FASTKD2: variants seen among roughly 807,000 people sequenced by gnomAD.
The protein encoded by FASTKD2 is FAST kinase domain-containing protein 2, mitochondrial.
In FASTKD2, 51 loss-of-function variants were observed where a neutral mutation model predicts 63.6. The observed-to-expected ratio is 0.80, with a 90% confidence interval of 0.64 to 1.01. The LOEUF (loss-of-function observed/expected upper bound fraction) is 1.01. Ranked by LOEUF, FASTKD2 falls within the 50% of genes least tolerant of loss-of-function variation. FASTKD2 has a pLI of 0.00. For synonymous variants in FASTKD2, 284 were observed against 293.4 expected (o/e 0.97, Z 0.33); for missense variants, 786 against 831.1 (o/e 0.95, Z 0.67).
intron 9 of FASTKD2, 38 bp downstream of exon 9, chr2:206,788,193 A>G (rs780013331): frequency 1.4e-6 from 2 of 1,439,308 alleles, no homozygotes; most frequent in Middle Eastern, 1.8e-4. Flanking sequence ...ATTTTATTGT[A>G]TTTATTTTCC....
intron 7 of FASTKD2, chr2:206,783,426 T>C (rs1456881762): frequency 6.5e-6 from 1 of 152,994 alleles, no homozygotes; most frequent in Middle Eastern, 1.2e-3. Flanking sequence ...TGCCAAAGAG[T>C]AGACATTTAA....
At chr2:206,791,546 A>C in intron 11 of FASTKD2, 137 bp from the exon 12 acceptor site, 1 of 747,558 alleles carries the variant, frequency 1.3e-6, no homozygotes, top group Non-Finnish European at 2.3e-6. Context: ...TGCCTTTAAA[A>C]TATGAGTAGT....
At position 206,794,234 on chromosome 2, in the gene FASTKD2, T is replaced by C. The variant is rs1690379876; in HGVS notation, c.*2432T>C. On this transcript the variant is annotated 3_prime_UTR_variant, in exon 12 of 12. Transcript: ENST00000402774. ...TCTGTCCCCTAAACAACCACTGATC[T>C]ATGGCACACATAGAAAAAAATTAGG... is the stretch of plus-strand genomic sequence containing the variant. Among the ~76,000 whole-genome samples, 1 of 152,178 alleles carries C rather than the reference T, an allele frequency of 6.6e-6. No individual in the cohort carries two copies. Among genetic ancestry groups the C allele is most frequent in the East Asian group, 1.9e-4 (1 of 5,202 alleles).
At chr2:206,778,556 A>G (rs1335352573) in intron 7 of FASTKD2, among the ~76,000 whole-genome samples, 3 of 152,166 alleles carry the variant, frequency 2.0e-5, no homozygotes, top group Middle Eastern at 6.8e-3. Flanking sequence ...TTGTTTTGTG[A>G]CCTAACATAT....
chr2:206,774,502 A>G, intron 7 of FASTKD2, 105 bp downstream of exon 7: 2 of 752,752 alleles, frequency 2.7e-6, no homozygotes, highest in East Asian at 2.5e-5. Context: ...ACCCATAGTC[A>G]TCATCCATGC....
chr2:206,771,518 T>C (rs1441139230), intron 4 of FASTKD2, among the ~76,000 whole-genome samples: 1 of 151,992 alleles, frequency 6.6e-6, no homozygotes, highest in Admixed American at 6.6e-5. Flanking sequence ...CCTTTTTGTT[T>C]AAAAATAAAT....
chr2:206,791,868 A>G lies in FASTKD2; in HGVS notation c.*66A>G. 1 of 1,473,194 alleles carries G rather than the reference A, an allele frequency of 6.8e-7. No individual in the cohort carries two copies. The allele number at this position is 1,473,194 out of a possible 1,614,324, so 91.3% of individuals were successfully genotyped here. On this transcript the variant is annotated 3_prime_UTR_variant, in exon 12 of 12. Coordinates refer to ENST00000402774, the MANE Select transcript of FASTKD2 (RefSeq NM_001136193.2). ...TAAAAATTAATAAAGATGACAAGTC[A>G]GTTGTCAATGGAATTGAGCTATCTG...
rs1036942141 is a variant in FASTKD2 at position 206,786,646 on chromosome 2, C to T, written c.1428-87C>T. On this transcript the variant is annotated intron_variant, in intron 7 of 11. Coordinates refer to ENST00000402774, the MANE Select transcript of FASTKD2 (RefSeq NM_001136193.2). ...GATGTGTGGATACTTACTTGCAAGGCTGATTTTCTTATCTCTTTTCTTTGG... is the reference window on the plus strand; with the variant it reads ...GATGTGTGGATACTTACTTGCAAGGTTGATTTTCTTATCTCTTTTCTTTGG... 17 of 1,171,388 alleles carry T rather than the reference C, an allele frequency of 1.5e-5. No homozygotes were observed. The Admixed American group carries it at 2.2e-4, about 15-fold the overall frequency. 72.6% of individuals were successfully genotyped at this position (1,171,388 alleles called of 1,614,324 possible).
In FASTKD2 at chr2:206,792,053, C is replaced by T. The variant is rs188949910; in HGVS notation, c.*251C>T. On this transcript the variant is annotated 3_prime_UTR_variant, in exon 12 of 12. Transcript: ENST00000402774. ...AGTGCCCAGATATTTGATTTGTGAG[C>T]TGTACGTTTCACCTTTTCATCTTTG... The T allele has an allele frequency of 4.6e-5, 22 of 477,708 alleles. No individual in the cohort carries two copies. The highest frequency in any genetic ancestry group is 2.9e-4 in the African/African-American group (15 of 51,144). 29.6% of individuals were successfully genotyped at this position (477,708 alleles called of 1,614,324 possible). A position where few individuals can be genotyped will look rare whatever the true frequency, so the allele number is the denominator to read the frequency against.
At chr2:206,786,450 TG>T (rs2105985742) in intron 7 of FASTKD2, among the ~76,000 whole-genome samples, 1 of 152,364 alleles carries the variant, frequency 6.6e-6, no homozygotes, top group East Asian at 1.9e-4. Flanking sequence ...TCTCTAAGCC[TG>T]TTTACCCATT....
intron 10 of FASTKD2, chr2:206,789,993 T>TC (rs1312843722): frequency 1.3e-5 from 2 of 152,824 alleles, no homozygotes; most frequent in African/African-American, 4.8e-5. Flanking sequence ...TTTCTTTTTT[T>TC]CTCCCAGTAA....
Position 206,795,304 on chromosome 2 carries a change from G to A in FASTKD2, c.*3502G>A, listed in dbSNP as rs563957358. 2.3e-3 allele frequency among the ~76,000 whole-genome samples: 343 copies of A among 152,288 alleles called. 2 individuals carry two copies. Among genetic ancestry groups the A allele is most frequent in the African/African-American group, 7.7e-3 (319 of 41,552 alleles). On this transcript the variant is annotated 3_prime_UTR_variant, in exon 12 of 12. Coordinates refer to ENST00000402774, the MANE Select transcript of FASTKD2 (RefSeq NM_001136193.2). ...GCTGGAGTGCTGTGGCGTGATCTCA[G>A]CTCACTGCAAGCTCCGCCTCCTGGG...
rs1029564199 is a variant in FASTKD2 at position 206,765,722 on chromosome 2, G to A, written c.-76G>A. ...CATCCTAGACTTTTTACTTCGAGGAGAAGAGTCTCACGAGTTGTCCTGGAA... is the reference window on the plus strand; with the variant it reads ...CATCCTAGACTTTTTACTTCGAGGAAAAGAGTCTCACGAGTTGTCCTGGAA... On this transcript the variant is annotated 5_prime_UTR_variant, in exon 1 of 12. Transcript: ENST00000402774. 5.9e-6 allele frequency: 1 copy of A among 168,908 alleles called. No homozygotes were observed. The highest frequency in any genetic ancestry group is 2.4e-5 in the African/African-American group (1 of 41,800). 10.5% of individuals were successfully genotyped at this position (168,908 alleles called of 1,614,324 possible).
intron 3 of FASTKD2, among the ~76,000 whole-genome samples, chr2:206,770,799 A>G (rs938300133): frequency 6.6e-6 from 1 of 152,044 alleles, no homozygotes; most frequent in African/African-American, 2.4e-5. Flanking sequence ...AATTCAGAAT[A>G]GTTATTCGGG....
In FASTKD2 at chr2:206,788,914, T is replaced by C; in HGVS notation, c.1898+11T>C. 9 of 1,359,108 alleles carry C rather than the reference T, an allele frequency of 6.6e-6. No homozygotes were observed. The highest frequency in any genetic ancestry group is 9.5e-6 in the Non-Finnish European group (9 of 948,178). The allele number at this position is 1,359,108 out of a possible 1,614,324, so 84.2% of individuals were successfully genotyped here. The stretch of plus-strand genomic sequence containing the variant: ...TACAGATATTCAAAGGTTGCTTACA[T>C]ATATTTCATTTGCTGGGCTTTCTGA... On this transcript the variant is annotated intron_variant, in intron 10 of 11. Coordinates refer to ENST00000402774, the MANE Select transcript of FASTKD2 (RefSeq NM_001136193.2).
At chr2:206,782,546 G>A (rs1199550492) in intron 7 of FASTKD2, among the ~76,000 whole-genome samples, 1 of 152,118 alleles carries the variant, frequency 6.6e-6, no homozygotes, top group Non-Finnish European at 1.5e-5. Flanking sequence ...TTCCTCAAAT[G>A]TGCCAGCTTC....
Position 206,792,012 on chromosome 2 carries a change from C to T in FASTKD2, c.*210C>T. ...ATTCCAGAAGGGTTATTTTTCCAACCACACCTATTCCCTCTAGTGCCCAGA... is the reference window on the plus strand; with the variant it reads ...ATTCCAGAAGGGTTATTTTTCCAACTACACCTATTCCCTCTAGTGCCCAGA... On this transcript the variant is annotated 3_prime_UTR_variant, in exon 12 of 12. Coordinates refer to ENST00000402774, the MANE Select transcript of FASTKD2 (RefSeq NM_001136193.2). 1.8e-6 allele frequency: 1 copy of T among 560,726 alleles called. No individual in the cohort carries two copies. 34.7% of individuals were successfully genotyped at this position (560,726 alleles called of 1,614,324 possible).
chr2:206,777,896 G>C (rs1689865551), intron 7 of FASTKD2, among the ~76,000 whole-genome samples: 1 of 151,998 alleles, frequency 6.6e-6, no homozygotes. Flanking sequence ...ATTTTTCTAG[G>C]AATTTATTCA....
At chr2:206,771,096 G>T in intron 3 of FASTKD2, 86 bp from the exon 4 acceptor site, 1 of 792,526 alleles carries the variant, frequency 1.3e-6, no homozygotes, top group South Asian at 1.5e-5. Flanking sequence ...TTGCCTGTAA[G>T]AAGGGGCTGG....
Sources: allele counts gnomAD v4.1 joint callset (sites outside exome capture counted in the v4.1 genomes callset), GRCh38; gene constraint gnomAD v4.1.1; transcripts MANE v1.5; gene names NCBI Gene and HGNC (gene_info 2026-07-23, HGNC 2026-07-21).